The following COP1 variants were observed in gnomAD, a reference collection of about 807,000 sequenced individuals.
The protein encoded by COP1 is COP1 E3 ubiquitin ligase.
COP1 carries 24 observed loss-of-function variants against 101.3 expected under a neutral mutation model. The ratio of observed to expected loss-of-function variants is 0.24; its 90% confidence interval spans 0.17 to 0.33. The LOEUF (loss-of-function observed/expected upper bound fraction) is 0.33. Ranked by LOEUF, COP1 falls within the 10% of genes least tolerant of loss-of-function variation. The pLI, the probability that COP1 is intolerant of heterozygous loss-of-function variation, is 1.00. For synonymous variants in COP1, 347 were observed against 341.9 expected, an observed-to-expected ratio of 1.01 and a Z score of -0.17; for missense variants, 663 against 906.2, an observed-to-expected ratio of 0.73 and a Z score of 3.45.
intron 1 of COP1, among the ~76,000 whole-genome samples, chr1:176,198,877 A>C (rs1407148657): frequency 1.3e-5 from 2 of 152,246 alleles, no homozygotes; most frequent in Non-Finnish European, 2.9e-5. Flanking sequence ...CAATGTGATA[A>C]AACTACATAT....
At chr1:175,952,902 G>A (rs889361940) in intron 18 of COP1, among the ~76,000 whole-genome samples, 2 of 152,146 alleles carry the variant, frequency 1.3e-5, no homozygotes, top group Non-Finnish European at 2.9e-5. Flanking sequence ...GGGAAACAAA[G>A]CAAGACTCTG....
chr1:176,187,500 T>C (rs958063918), intron 1 of COP1, among the ~76,000 whole-genome samples: 2 of 152,056 alleles, frequency 1.3e-5, no homozygotes, highest in African/African-American at 4.8e-5. Context: ...TCTCCCACTC[T>C]GGCCTCCCAA....
chr1:176,039,742 G>A (rs535837489), intron 14 of COP1, among the ~76,000 whole-genome samples: 1 of 152,208 alleles, frequency 6.6e-6, no homozygotes, highest in Admixed American at 6.5e-5. Flanking sequence ...AGCAGAGAAA[G>A]ACTAAAGATA....
intron 15 of COP1, among the ~76,000 whole-genome samples, chr1:176,001,503 T>C (rs970556227): frequency 2.0e-5 from 3 of 152,114 alleles, no homozygotes; most frequent in African/African-American, 7.2e-5. Flanking sequence ...ACTACAGTGA[T>C]GTAAAAATAA....
At chr1:176,165,305 T>C (rs1694918855) in intron 3 of COP1, among the ~76,000 whole-genome samples, 1 of 150,734 alleles carries the variant, frequency 6.6e-6, no homozygotes, top group South Asian at 2.1e-4. Flanking sequence ...AGGGGCTCAC[T>C]AAGCAAAAAT....
intron 15 of COP1, among the ~76,000 whole-genome samples, chr1:176,008,091 G>T (rs1483757594): frequency 3.3e-5 from 5 of 152,184 alleles, no homozygotes; most frequent in Non-Finnish European, 7.3e-5. Flanking sequence ...TATTTGGGTG[G>T]GAGTGACCCG....
chr1:176,163,945 T>C (rs1694723165), intron 3 of COP1, 54 bp from the exon 4 acceptor site: 3 of 1,215,118 alleles, frequency 2.5e-6, no homozygotes, highest in East Asian at 2.4e-5. Flanking sequence ...TTGTTAAATG[T>C]ATCATGTAAT....
At chr1:176,191,903 T>C (rs1008678858) in intron 1 of COP1, among the ~76,000 whole-genome samples, 15 of 152,118 alleles carry the variant, frequency 9.9e-5, no homozygotes, top group Non-Finnish European at 1.9e-4. Context: ...AAGAAAAGAA[T>C]AGCATAGCGG....
intron 15 of COP1, among the ~76,000 whole-genome samples, chr1:176,009,629 C>T (rs376574483): frequency 2.0e-5 from 3 of 152,026 alleles, no homozygotes; most frequent in East Asian, 1.9e-4. Flanking sequence ...TACTCATAAC[C>T]AGTTTGGTAT....
intron 5 of COP1, among the ~76,000 whole-genome samples, chr1:176,149,764 T>C (rs1221855391): frequency 6.6e-6 from 1 of 152,102 alleles, no homozygotes; most frequent in Non-Finnish European, 1.5e-5. Flanking sequence ...TATCATTTAC[T>C]GTTAAAATTC....
intron 14 of COP1, among the ~76,000 whole-genome samples, chr1:176,028,749 T>TTAG (rs1200880007): frequency 1.8e-5 from 2 of 114,040 alleles, no homozygotes; most frequent in East Asian, 5.4e-4. Flanking sequence ...ATTATTCTTT[T>TTAG]TATTATTATT....
intron 14 of COP1, among the ~76,000 whole-genome samples, chr1:176,034,992 C>T (rs540218484): frequency 1.3e-5 from 2 of 152,208 alleles, no homozygotes; most frequent in East Asian, 1.9e-4. Context: ...TTAAACAGGA[C>T]CCAACATCTT....
At chr1:176,203,457 G>A (rs536758338) in intron 1 of COP1, among the ~76,000 whole-genome samples, 2 of 152,276 alleles carry the variant, frequency 1.3e-5, no homozygotes, top group South Asian at 4.1e-4. Flanking sequence ...TGAGATAGCT[G>A]GAAAAGCTAA....
rs368946187 is a variant in COP1, at chr1:176,157,213, CAAT to C, written c.762+5653_762+5655del. 7.8e-3 allele frequency among the ~76,000 whole-genome samples: 1,184 copies of C among 152,002 alleles called. 7 individuals are homozygous for C. Among genetic ancestry groups the C allele is most frequent in the South Asian group, 0.031 (149 of 4,814 alleles). ...CATCTCAAAAAAATAATAACAACAA[CAAT>C]AATATTAATATTAACCCACACTACA... On this transcript the variant is annotated intron_variant, in intron 5 of 19. Transcript: ENST00000367669.
intron 19 of COP1, among the ~76,000 whole-genome samples, chr1:175,945,963 T>C (rs1365656210): frequency 6.6e-6 from 1 of 152,172 alleles, no homozygotes; most frequent in East Asian, 1.9e-4. Flanking sequence ...AATCTTAGAT[T>C]TGTCAGTGGG....
At chr1:176,130,227 T>TA (rs1688669795) in intron 8 of COP1, among the ~76,000 whole-genome samples, 2 of 151,716 alleles carry the variant, frequency 1.3e-5, no homozygotes, top group South Asian at 2.1e-4. Flanking sequence ...GCTAAAAAGT[T>TA]AAAAAATGTC....
intron 15 of COP1, among the ~76,000 whole-genome samples, chr1:176,014,964 A>G (rs1333843530): frequency 6.6e-6 from 1 of 152,210 alleles, no homozygotes; most frequent in Non-Finnish European, 1.5e-5. Flanking sequence ...ACAATTATGT[A>G]ATAAATAAAA....
rs182458524 is a variant in COP1 at position 176,136,142 on chromosome 1, C to G, written c.891+346G>C. On this transcript the variant is annotated intron_variant, in intron 7 of 19. Coordinates refer to ENST00000367669, the MANE Select transcript of COP1 (RefSeq NM_022457.7). The stretch of plus-strand genomic sequence containing the variant: ...ATTAACCTTAACTCCTAGAAATGCA[C>G]AGAGTAGGTATGTAAAAGTTATTAA... Among the ~76,000 whole-genome samples, 457 of 151,904 alleles carry G rather than the reference C, an allele frequency of 3.0e-3. 2 individuals carry two copies. Among genetic ancestry groups the G allele is most frequent in the African/African-American group, 0.01 (430 of 41,462 alleles).
At chr1:175,975,116 A>G (rs1654206541) in intron 18 of COP1, among the ~76,000 whole-genome samples, 1 of 152,152 alleles carries the variant, frequency 6.6e-6, no homozygotes, top group Non-Finnish European at 1.5e-5. Context: ...CAGAGCCAAC[A>G]GTTTCATTCT....
Sources: allele counts gnomAD v4.1 joint callset (sites outside exome capture counted in the v4.1 genomes callset), GRCh38; gene constraint gnomAD v4.1.1; transcripts MANE v1.5; gene names NCBI Gene and HGNC (gene_info 2026-07-23, HGNC 2026-07-21).